ERC1: variants seen among roughly 807,000 people sequenced by gnomAD.
The protein encoded by ERC1 is ELKS/RAB6-interacting/CAST family member 1.
A neutral mutation model predicts 132.0 loss-of-function variants in ERC1; 56 were observed. That is an observed-to-expected ratio of 0.42 (90% CI 0.34 to 0.53). The LOEUF is 0.53. Ranked by LOEUF, ERC1 falls within the 20% of genes least tolerant of loss-of-function variation. The pLI is 0.03. For missense variants in ERC1, 1,202 were observed against 1,349.9 expected, an observed-to-expected ratio of 0.89 and a Z score of 1.72; for synonymous variants, 478 against 476.1, an observed-to-expected ratio of 1.00 and a Z score of -0.05.
intron 14 of ERC1, among the ~76,000 whole-genome samples, chr12:1,289,081 A>T (rs1594790214): frequency 1.0e-5 from 1 of 100,250 alleles, no homozygotes; most frequent in South Asian, 3.8e-4. Context: ...TCTATCTGGT[A>T]TGTACACACA....
intron 12 of ERC1, among the ~76,000 whole-genome samples, chr12:1,208,066 A>G (rs1464656103): frequency 6.6e-6 from 1 of 152,114 alleles, no homozygotes; most frequent in African/African-American, 2.4e-5. Flanking sequence ...ATCTCACTTC[A>G]CCTCATAACA....
At chr12:1,158,267 A>T (rs1458867560) in intron 8 of ERC1, among the ~76,000 whole-genome samples, 1 of 152,076 alleles carries the variant, frequency 6.6e-6, no homozygotes, top group African/African-American at 2.4e-5. Context: ...TATTTTGCTG[A>T]GTTCATAGTA....
chr12:1,366,136 G>T (rs557497279), intron 15 of ERC1, among the ~76,000 whole-genome samples: 1 of 152,076 alleles, frequency 6.6e-6, no homozygotes, highest in Non-Finnish European at 1.5e-5. Context: ...GAGGTTGGTC[G>T]CAGAACAATC....
chr12:1,121,707 C>CTCTA (rs1947163547), intron 7 of ERC1, among the ~76,000 whole-genome samples: 4 of 43,450 alleles, frequency 9.2e-5, no homozygotes, highest in African/African-American at 3.5e-4. Context: ...CTATCTCTAT[C>CTCTA]TGTGTCTCTA....
chr12:1,061,822 G>A (rs1247915348), intron 2 of ERC1, among the ~76,000 whole-genome samples: 1 of 151,082 alleles, frequency 6.6e-6, no homozygotes, highest in Admixed American at 6.6e-5. Context: ...TTTGAGTTTG[G>A]TTTGTTCTTG....
chr12:1,324,995 T>C (rs1171203907), intron 15 of ERC1, among the ~76,000 whole-genome samples: 2 of 152,208 alleles, frequency 1.3e-5, no homozygotes, highest in East Asian at 3.8e-4. Flanking sequence ...GGAAGTGTGT[T>C]AAACATAGAA....
intron 3 of ERC1, among the ~76,000 whole-genome samples, chr12:1,093,944 T>TAA (rs1244133336): frequency 1.5e-4 from 17 of 115,368 alleles, no homozygotes; most frequent in Non-Finnish European, 2.6e-4. Context: ...TCTATATAAA[T>TAA]ATATATATTT....
intron 2 of ERC1, among the ~76,000 whole-genome samples, chr12:1,040,396 T>C (rs1353024730): frequency 6.7e-6 from 1 of 149,636 alleles, no homozygotes; most frequent in African/African-American, 2.5e-5. Flanking sequence ...ATACTCCGCC[T>C]CCCGAGTTCA....
chr12:1,025,487 G>A (rs535261412), intron 1 of ERC1, among the ~76,000 whole-genome samples: 39 of 152,034 alleles, frequency 2.6e-4, no homozygotes, highest in African/African-American at 8.7e-4. Context: ...TAAGTGTGTT[G>A]GTTGTTTTTC....
At chr12:1,154,557 TG>T (rs1006851257) in intron 8 of ERC1, among the ~76,000 whole-genome samples, 5 of 151,968 alleles carry the variant, frequency 3.3e-5, no homozygotes, top group African/African-American at 1.2e-4. Flanking sequence ...AATGAATAAA[TG>T]GGACTTAATG....
intron 2 of ERC1, among the ~76,000 whole-genome samples, chr12:1,042,383 G>A (rs1592897904): frequency 8.9e-6 from 1 of 112,876 alleles, no homozygotes; most frequent in East Asian, 2.8e-4. Flanking sequence ...GTTTAGCTCT[G>A]TTGCCCAGAT....
intron 14 of ERC1, among the ~76,000 whole-genome samples, chr12:1,283,553 G>C (rs2078834199): frequency 6.6e-6 from 1 of 152,176 alleles, no homozygotes; most frequent in Non-Finnish European, 1.5e-5. Flanking sequence ...CCCTGGCTTA[G>C]AGCCAGAGAG....
chr12:1,059,075 T>A (rs1436521345), intron 2 of ERC1, among the ~76,000 whole-genome samples: 1 of 152,220 alleles, frequency 6.6e-6, no homozygotes, highest in Non-Finnish European at 1.5e-5. Flanking sequence ...AATTTATTCT[T>A]AGAGTTTGTT....
Position 1,036,174 on chromosome 12 carries a change from G to T in ERC1, c.669+7602G>T, listed in dbSNP as rs533705674. On this transcript the variant is annotated intron_variant, in intron 2 of 18. Transcript: ENST00000360905. ...GTGTGTTGTGTTTCTTCTCTTTTTG[G>T]AGTCTGATTTTTATGTTGCTCATTT... is the stretch of plus-strand genomic sequence containing the variant. 2.6e-5 allele frequency among the ~76,000 whole-genome samples: 4 copies of T among 151,994 alleles called. No individual in the cohort carries two copies. In the South Asian group the frequency reaches 8.3e-4, roughly 32 times the overall value.
chr12:1,440,499 C>T (rs1375021541), intron 17 of ERC1, among the ~76,000 whole-genome samples: 2 of 148,738 alleles, frequency 1.3e-5, no homozygotes, highest in South Asian at 4.2e-4. Context: ...AGCCACCGCG[C>T]CCGGCCTTTT....
chr12:1,208,957 A>ATTTT (rs538961813), intron 12 of ERC1, among the ~76,000 whole-genome samples: 8 of 71,634 alleles, frequency 1.1e-4, no homozygotes, highest in African/African-American at 3.1e-4. Context: ...CGCCCAGCTG[A>ATTTT]TTTTTTTTTT....
intron 18 of ERC1, among the ~76,000 whole-genome samples, chr12:1,453,483 T>C (rs570603726): frequency 6.6e-6 from 1 of 152,320 alleles, no homozygotes; most frequent in South Asian, 2.1e-4. Flanking sequence ...GCCTTATGTC[T>C]TCTCACTTCC....
intron 12 of ERC1, among the ~76,000 whole-genome samples, chr12:1,198,075 G>A (rs192643051): frequency 2.2e-4 from 34 of 152,036 alleles, no homozygotes; most frequent in Non-Finnish European, 4.3e-4. Context: ...AGAGGTGCAT[G>A]CCACCATGCC....
chr12:1,444,884 G>A (rs1389403178), intron 18 of ERC1, 134 bp downstream of exon 18: 14 of 700,996 alleles, frequency 2.0e-5, no homozygotes, highest in East Asian at 1.1e-4. Flanking sequence ...GGGGAATCCC[G>A]TTGCTGTGTA....
Sources: gnomAD v4.1 joint callset for allele counts (sites outside exome capture counted in the v4.1 genomes callset) on GRCh38, gnomAD v4.1.1 for gene constraint, MANE v1.5 for transcripts, NCBI Gene and HGNC (gene_info 2026-07-23, HGNC 2026-07-21) for gene names.